Variants in PTPRO observed in about 807,000 individuals in gnomAD.
PTPRO encodes the protein protein tyrosine phosphatase receptor type O.
Under a neutral mutation model 145.2 loss-of-function variants are expected in PTPRO, and 62 were observed. The observed-to-expected ratio is 0.43, with a 90% CI of 0.35 to 0.53. The LOEUF (loss-of-function observed/expected upper bound fraction) is 0.53. Ranked by LOEUF, PTPRO falls within the 20% of genes least tolerant of loss-of-function variation. PTPRO has a pLI of 0.01. For synonymous variants in PTPRO, 565 were observed against 514.7 expected, an observed-to-expected ratio of 1.10 and a Z score of -1.32; for missense variants, 1,345 against 1,482.7, an observed-to-expected ratio of 0.91 and a Z score of 1.53.
intron 18 of PTPRO, among the ~76,000 whole-genome samples, 196 bp downstream of exon 18, chr12:15,565,824 A>G (rs1218784551): frequency 6.6e-6 from 1 of 152,222 alleles, no homozygotes; most frequent in Non-Finnish European, 1.5e-5. Flanking sequence ...TATCACAGAA[A>G]TCACATCAGA....
Position 15,580,033 on chromosome 12 carries a change from C to T in PTPRO, c.2921-6C>T. On this transcript the variant is annotated splice_region_variant and splice_polypyrimidine_tract_variant and intron_variant, in intron 20 of 26. Coordinates refer to ENST00000281171, the MANE Select transcript of PTPRO (RefSeq NM_030667.3). The stretch of plus-strand genomic sequence containing the variant: ...TTTAATATTTTTTTCTCCTTATTCT[C>T]TACAGATGACTTCAGCCGTGTGAGA... 1 of 1,611,068 alleles carries T rather than the reference C, an allele frequency of 6.2e-7. No homozygotes were observed. Among genetic ancestry groups the T allele is most frequent in the South Asian group, 1.1e-5 (1 of 91,046 alleles).
chr12:15,447,681 C>G (rs1385967855), intron 1 of PTPRO, among the ~76,000 whole-genome samples: 1 of 152,144 alleles, frequency 6.6e-6, no homozygotes, highest in African/African-American at 2.4e-5. Flanking sequence ...TGCCCCATAG[C>G]TATGACTTTT....
intron 17 of PTPRO, among the ~76,000 whole-genome samples, chr12:15,565,163 T>C (rs889178033): frequency 3.3e-5 from 5 of 152,224 alleles, no homozygotes; most frequent in African/African-American, 1.2e-4. Context: ...AATGTTATTT[T>C]AGTCTTTAAT....
chr12:15,461,787 C>T (rs957037206), intron 1 of PTPRO, among the ~76,000 whole-genome samples: 2 of 151,824 alleles, frequency 1.3e-5, no homozygotes, highest in Non-Finnish European at 2.9e-5. Flanking sequence ...ATGATGGTCT[C>T]GACCTCCTGA....
chr12:15,516,049 G>C (rs1277688984), intron 8 of PTPRO, among the ~76,000 whole-genome samples: 1 of 138,344 alleles, frequency 7.2e-6, no homozygotes, highest in African/African-American at 2.7e-5. Flanking sequence ...GGAATGCAGT[G>C]GTGCAATCTC....
rs541502127 is a variant in PTPRO at position 15,466,672 on chromosome 12, T to C, written c.76-17302T>C. ...TAATCTCACAACAACCTTGTGATGT[T>C]GGTGTCCTTCTCCCATTTTATAGAT... On this transcript the variant is annotated intron_variant, in intron 1 of 26. Coordinates refer to ENST00000281171, the MANE Select transcript of PTPRO (RefSeq NM_030667.3). Among the ~76,000 whole-genome samples, 16 of 152,310 alleles carry C rather than the reference T, an allele frequency of 1.1e-4. 1 individual carries two copies. The highest frequency in any genetic ancestry group is 3.8e-4 in the African/African-American group (16 of 41,588).
intron 3 of PTPRO, among the ~76,000 whole-genome samples, chr12:15,497,964 C>A (rs1942141678): frequency 6.7e-6 from 1 of 149,620 alleles, no homozygotes; most frequent in Non-Finnish European, 1.5e-5. Context: ...CTCAAAGGAA[C>A]AAAATCAACT....
chr12:15,361,366 G>A (rs2136244272), intron 1 of PTPRO, among the ~76,000 whole-genome samples: 1 of 150,008 alleles, frequency 6.7e-6, no homozygotes, highest in Admixed American at 6.7e-5. Context: ...TTGAACCTGG[G>A]AGGCGAAGGT....
Position 15,598,299 on chromosome 12 carries a change from G to A in PTPRO, c.*2226G>A, listed in dbSNP as rs1591786765. On this transcript the variant is annotated 3_prime_UTR_variant, in exon 27 of 27. Coordinates refer to ENST00000281171, the MANE Select transcript of PTPRO (RefSeq NM_030667.3). ...TAATGACTTTGGAATTATCTCTCCT[G>A]GGTCTCAGTTAATAAACTGAAGAAT... 6.6e-6 allele frequency among the ~76,000 whole-genome samples: 1 copy of A among 152,132 alleles called. No individual in the cohort carries two copies. The highest frequency in any genetic ancestry group is 2.4e-5 in the African/African-American group (1 of 41,422).
At chr12:15,441,451 A>C (rs189552929) in intron 1 of PTPRO, among the ~76,000 whole-genome samples, 1 of 152,292 alleles carries the variant, frequency 6.6e-6, no homozygotes, top group Non-Finnish European at 1.5e-5. Context: ...AGGAACTAGA[A>C]AAACAAGAAC....
intron 1 of PTPRO, among the ~76,000 whole-genome samples, chr12:15,445,411 C>T (rs2136367870): frequency 6.6e-6 from 1 of 152,132 alleles, no homozygotes; most frequent in South Asian, 2.1e-4. Context: ...GGATAGGCAC[C>T]TCTGTAAATA....
At chr12:15,461,846 G>T (rs1393309250) in intron 1 of PTPRO, among the ~76,000 whole-genome samples, 2 of 152,012 alleles carry the variant, frequency 1.3e-5, no homozygotes, top group African/African-American at 4.8e-5. Context: ...GTTTACAGGC[G>T]TGAGCAACCA....
intron 6 of PTPRO, among the ~76,000 whole-genome samples, chr12:15,508,161 G>A (rs1442374314): frequency 5.9e-5 from 9 of 152,260 alleles, no homozygotes; most frequent in South Asian, 2.1e-4. Flanking sequence ...GGTAGTAGTC[G>A]AGGCTGATTT....
intron 1 of PTPRO, chr12:15,346,699 T>A (rs889241669): frequency 1.3e-5 from 2 of 152,188 alleles, no homozygotes; most frequent in African/African-American, 4.8e-5. Context: ...AAGAATAAGA[T>A]TAGTTCTGTC....
intron 24 of PTPRO, 52 bp downstream of exon 24, chr12:15,587,103 G>C: frequency 6.3e-7 from 1 of 1,596,628 alleles, no homozygotes; most frequent in Non-Finnish European, 8.6e-7. Flanking sequence ...GGTTTTGTAA[G>C]GGGAACAGCT....
At position 15,565,031 on chromosome 12, in the gene PTPRO, G is replaced by T. The variant is rs1943862883; in HGVS notation, c.2712-562G>T. Among the ~76,000 whole-genome samples the T allele has an allele frequency of 2.0e-5, 3 of 152,188 alleles. No individual in the cohort carries two copies. In the East Asian group the frequency reaches 5.8e-4, roughly 29 times the overall value. ...GAAGAGCAAGCAGGTAATAGGTCCA[G>T]TTCTTCAGATAGCTTAAAAATTAGT... On this transcript the variant is annotated intron_variant, in intron 17 of 26. Coordinates refer to ENST00000281171, the MANE Select transcript of PTPRO (RefSeq NM_030667.3).
intron 1 of PTPRO, among the ~76,000 whole-genome samples, chr12:15,395,967 G>C (rs546441219): frequency 3.3e-5 from 5 of 152,106 alleles, no homozygotes; most frequent in African/African-American, 4.8e-5. Context: ...GATTATTAAG[G>C]TTATAAATGA....
intron 23 of PTPRO, among the ~76,000 whole-genome samples, 181 bp from the exon 24 acceptor site, chr12:15,586,716 G>A (rs1048899341): frequency 2.6e-5 from 4 of 151,880 alleles, no homozygotes; most frequent in African/African-American, 9.7e-5. Flanking sequence ...TACAATTAGC[G>A]TGGTTTTTTT....
chr12:15,420,236 T>A (rs1478752364), intron 1 of PTPRO, among the ~76,000 whole-genome samples: 1 of 151,266 alleles, frequency 6.6e-6, no homozygotes, highest in African/African-American at 2.5e-5. Flanking sequence ...TTAAGTCTGC[T>A]ACTGCCTCTT....
Sources: gnomAD v4.1 joint callset for allele counts (sites outside exome capture counted in the v4.1 genomes callset) on GRCh38, gnomAD v4.1.1 for gene constraint, MANE v1.5 for transcripts, NCBI Gene and HGNC (gene_info 2026-07-23, HGNC 2026-07-21) for gene names.